PPP1R36: variants seen among roughly 807,000 people sequenced by gnomAD.
PPP1R36 encodes the protein chromosome 14 open reading frame 50.
PPP1R36 carries 47 observed loss-of-function variants against 53.4 expected under a neutral mutation model. That is an observed-to-expected ratio of 0.88 (90% confidence interval 0.70 to 1.12). The LOEUF (loss-of-function observed/expected upper bound fraction) is 1.12. PPP1R36 is among the 50% of genes most tolerant of loss of function. PPP1R36 has a pLI of 0.00. For missense variants in PPP1R36, 456 were observed against 513.9 expected, an observed-to-expected ratio of 0.89 and a Z score of 1.09; for synonymous variants, 153 against 170.5, an observed-to-expected ratio of 0.90 and a Z score of 0.80.
rs2080240166 is a variant in PPP1R36, at chr14:64,565,228, C to T, written c.270-129C>T. ...AAAGCATTCCAAAATGATCGTACAT[C>T]AAACAAAACCCATGTATGACACTCA... is the stretch of plus-strand genomic sequence containing the variant. On this transcript the variant is annotated intron_variant, in intron 4 of 11. Coordinates refer to ENST00000298705, the MANE Select transcript of PPP1R36 (RefSeq NM_172365.3). 1.3e-5 allele frequency: 8 copies of T among 631,466 alleles called. No homozygotes were observed. In the South Asian group the frequency reaches 1.3e-4, roughly 11 times the overall value. The allele number at this position is 631,466 out of a possible 1,614,324, so 39.1% of individuals were successfully genotyped here.
chr14:64,552,660 A>G (rs2080104742), intron 2 of PPP1R36, 154 bp from the exon 3 acceptor site: 1 of 604,938 alleles, frequency 1.7e-6, no homozygotes, highest in Non-Finnish European at 2.9e-6. Context: ...CATTATAAAT[A>G]TAATGACATG....
chr14:64,574,304 G>C (rs928031818), intron 7 of PPP1R36, 151 bp from the exon 8 acceptor site: 2 of 702,708 alleles, frequency 2.8e-6, no homozygotes, highest in Non-Finnish European at 4.6e-6. Context: ...GCAGTGAGCT[G>C]TGATCGCACC....
chr14:64,583,423 A>G (rs929308088), intron 8 of PPP1R36, among the ~76,000 whole-genome samples: 1 of 152,142 alleles, frequency 6.6e-6, no homozygotes, highest in Non-Finnish European at 1.5e-5. Flanking sequence ...TTTCTATTTC[A>G]TATGCAGGGC....
At chr14:64,552,654 A>G (rs1462073536) in intron 2 of PPP1R36, 160 bp from the exon 3 acceptor site, 1 of 594,226 alleles carries the variant, frequency 1.7e-6, no homozygotes, top group Middle Eastern at 4.2e-4. Context: ...TAGTTACATT[A>G]TAAATATAAT....
At position 64,588,325 on chromosome 14, in the gene PPP1R36, G is replaced by A. The variant is rs745741024; in HGVS notation, c.1082+30G>A. The stretch of plus-strand genomic sequence containing the variant: ...GTGGCTTGGCAAGAGAAGCATGAGT[G>A]CCTTGAGGTGGCATCCCAGGTGGGG... On this transcript the variant is annotated intron_variant, in intron 11 of 11. Coordinates refer to ENST00000298705, the MANE Select transcript of PPP1R36 (RefSeq NM_172365.3). 3.5e-5 allele frequency: 55 copies of A among 1,560,220 alleles called. No homozygotes were observed. In the African/African-American group the frequency reaches 6.9e-4, roughly 20 times the overall value.
intron 8 of PPP1R36, among the ~76,000 whole-genome samples, chr14:64,583,851 T>G (rs1429325455): frequency 1.4e-5 from 2 of 141,248 alleles, no homozygotes; most frequent in Non-Finnish European, 3.1e-5. Context: ...AGAGTTCCAG[T>G]GTGTATGGCA....
At chr14:64,578,457 A>G (rs2080360661) in intron 8 of PPP1R36, among the ~76,000 whole-genome samples, 1 of 152,234 alleles carries the variant, frequency 6.6e-6, no homozygotes, top group Non-Finnish European at 1.5e-5. Flanking sequence ...AAAAAGTAAA[A>G]GTAAGTATTG....
chr14:64,552,924 C>A lies in PPP1R36; in HGVS notation c.182+63C>A. ...AGACAGACAAGATAGTTACAGAAGTCAAAATACATGTTAAAGCACAAGAGA... is the reference window on the plus strand; with the variant it reads ...AGACAGACAAGATAGTTACAGAAGTAAAAATACATGTTAAAGCACAAGAGA... On this transcript the variant is annotated intron_variant, in intron 3 of 11. Coordinates refer to ENST00000298705, the MANE Select transcript of PPP1R36 (RefSeq NM_172365.3). 3 of 1,402,890 alleles carry A rather than the reference C, an allele frequency of 2.1e-6. No homozygotes were observed. In the South Asian group the frequency reaches 3.6e-5, roughly 17 times the overall value. 86.9% of individuals were successfully genotyped at this position (1,402,890 alleles called of 1,614,324 possible).
At chr14:64,576,796 A>C (rs2080345291) in intron 8 of PPP1R36, among the ~76,000 whole-genome samples, 2 of 152,034 alleles carry the variant, frequency 1.3e-5, no homozygotes, top group Admixed American at 1.3e-4. Flanking sequence ...ATTCTACTAC[A>C]TCCGTTCTGC....
At position 64,555,324 on chromosome 14, in the gene PPP1R36, C is replaced by T. The variant is rs536593578; in HGVS notation, c.182+2463C>T. Among the ~76,000 whole-genome samples the T allele has an allele frequency of 3.4e-4, 52 of 152,326 alleles. 1 individual carries two copies. The highest frequency in any genetic ancestry group is 1.1e-3 in the African/African-American group (44 of 41,564). ...TCCTACACATGATGTTAACATCGTT[C>T]TCGAACAGTTGTTAGCCGAAGATTC... On this transcript the variant is annotated intron_variant, in intron 3 of 11. Coordinates refer to ENST00000298705, the MANE Select transcript of PPP1R36 (RefSeq NM_172365.3).
intron 6 of PPP1R36, among the ~76,000 whole-genome samples, chr14:64,566,439 T>G (rs1315250665): frequency 1.7e-5 from 1 of 60,340 alleles, no homozygotes; most frequent in Non-Finnish European, 3.6e-5. Flanking sequence ...CAAGACTCCC[T>G]CTCAAAAAAA....
At chr14:64,570,294 C>A (rs1404130235) in intron 7 of PPP1R36, among the ~76,000 whole-genome samples, 1 of 151,964 alleles carries the variant, frequency 6.6e-6, no homozygotes, top group African/African-American at 2.4e-5. Context: ...CCAGCCTGAC[C>A]AACATGGTGA....
chr14:64,562,102 G>C (rs918009992), intron 3 of PPP1R36: 1 of 241,776 alleles, frequency 4.1e-6, no homozygotes, highest in Non-Finnish European at 8.3e-6. Flanking sequence ...GATAGTAGGA[G>C]GGTATAGGCT....
At chr14:64,588,964 C>G (rs80227295) in intron 11 of PPP1R36, among the ~76,000 whole-genome samples, 188 bp from the exon 12 acceptor site, 8,009 of 152,162 alleles carry the variant, frequency 0.053, 291 homozygotes, top group Non-Finnish European at 0.081. Context: ...TACTTTTGGA[C>G]TCATATATAA....
intron 3 of PPP1R36, among the ~76,000 whole-genome samples, chr14:64,558,948 C>G (rs886189843): frequency 1.3e-5 from 2 of 151,990 alleles, no homozygotes; most frequent in African/African-American, 4.8e-5. Context: ...AAATAGAGTA[C>G]TCTTATCAGT....
intron 3 of PPP1R36, chr14:64,561,660 C>A: frequency 2.6e-6 from 1 of 390,670 alleles, no homozygotes; most frequent in South Asian, 1.9e-5. Context: ...AGTTCATCAG[C>A]ATGCATGCCC....
rs758072719 is a variant in PPP1R36 at position 64,586,885 on chromosome 14, T to A, written c.711+6T>A. On this transcript the variant is annotated splice_donor_region_variant and intron_variant, in intron 9 of 11. Transcript: ENST00000298705. The stretch of plus-strand genomic sequence containing the variant: ...AAGACTGGAAGTTCTTTGAGGTGAG[T>A]CACTTATGTTTTGGTGCTTTTTGAT... 2.0e-5 allele frequency: 32 copies of A among 1,609,422 alleles called. No individual in the cohort carries two copies. The African/African-American group carries it at 4.1e-4, about 21-fold the overall frequency.
chr14:64,553,597 T>C (rs2140214406), intron 3 of PPP1R36, among the ~76,000 whole-genome samples: 1 of 151,984 alleles, frequency 6.6e-6, no homozygotes, highest in East Asian at 1.9e-4. Context: ...TTTTGACAAA[T>C]AGGCAAAAAA....
intron 6 of PPP1R36, among the ~76,000 whole-genome samples, chr14:64,568,004 A>G (rs1596734993): frequency 6.6e-6 from 1 of 152,188 alleles, no homozygotes; most frequent in African/African-American, 2.4e-5. Context: ...ATGGTGACAG[A>G]GGTAGGAGGA....
Sources: allele counts gnomAD v4.1 joint callset (sites outside exome capture counted in the v4.1 genomes callset), GRCh38; gene constraint gnomAD v4.1.1; transcripts MANE v1.5; gene names NCBI Gene and HGNC (gene_info 2026-07-23, HGNC 2026-07-21).